MUC6: variants seen among roughly 807,000 people sequenced by gnomAD.
MUC6 encodes the protein mucin-6.
Under a neutral mutation model 201.5 loss-of-function variants are expected in MUC6, and 188 were observed. That is an observed-to-expected ratio of 0.93 (90% CI 0.83 to 1.05). The LOEUF is 1.05. Among genes scored for constraint, MUC6 ranks in the 50% least tolerant of loss-of-function variants. The pLI is 0.00. For synonymous variants in MUC6, 1,228 were observed against 1,389.4 expected, an observed-to-expected ratio of 0.88 and a Z score of 2.58; for missense variants, 2,706 against 3,256.9, an observed-to-expected ratio of 0.83 and a Z score of 4.12.
intron 26 of MUC6, among the ~76,000 whole-genome samples, chr11:1,021,568 G>A (rs188896403): frequency 3.9e-5 from 6 of 152,022 alleles, no homozygotes; most frequent in Admixed American, 3.9e-4. Flanking sequence ...ATGGGGCTTC[G>A]CCACGTTGGC....
intron 1 of MUC6, 134 bp downstream of exon 1, chr11:1,036,470 C>G (rs1301176352): frequency 3.8e-6 from 4 of 1,047,222 alleles, no homozygotes; most frequent in Middle Eastern, 2.5e-4. Context: ...GGTCACGGAG[C>G]CGAGCTGGGG....
intron 19 of MUC6, among the ~76,000 whole-genome samples, 172 bp downstream of exon 19, chr11:1,026,769 G>A (rs568758496): frequency 6.6e-6 from 1 of 152,338 alleles, no homozygotes; most frequent in Admixed American, 6.5e-5. Flanking sequence ...CCCTGCAGAC[G>A]AGCCCCCGGG....
rs201891827 is a variant in MUC6, at chr11:1,033,098, C to T, written c.53-23G>A. ...GACCTGTGTGGACGGGACCCGCAGT[C>T]GGTGTGGGGCTACCCCGTCGTCCCT... On this transcript the variant is annotated intron_variant, in intron 1 of 32. Coordinates refer to ENST00000421673, the MANE Select transcript of MUC6 (RefSeq NM_005961.3). The surrounding 1 kb of genome is among the most constrained non-coding windows in gnomAD (Gnocchi z 5.6). The T allele has an allele frequency of 6.0e-4, 971 of 1,612,266 alleles. No homozygotes were observed. Among genetic ancestry groups the T allele is most frequent in the Non-Finnish European group, 7.9e-4 (926 of 1,178,610 alleles).
chr11:1,013,111 A>C lies in MUC6; in HGVS notation c.*345T>G. The C allele has an allele frequency of 3.1e-6, 1 of 321,062 alleles. No individual in the cohort carries two copies. Among genetic ancestry groups the C allele is most frequent in the African/African-American group, 2.2e-5 (1 of 46,248 alleles). 19.9% of individuals were successfully genotyped at this position (321,062 alleles called of 1,614,324 possible). On this transcript the variant is annotated 3_prime_UTR_variant, in exon 33 of 33. Transcript: ENST00000421673. Reference sequence around the variant, plus strand: ...GCGCCTGCTCTGTGGCTTCATCTGCAGGGTTCTGGGCCCAGCAGGGCTGGG... The same window carrying C: ...GCGCCTGCTCTGTGGCTTCATCTGCCGGGTTCTGGGCCCAGCAGGGCTGGG...
chr11:1,014,392 C>T (rs989255355), intron 31 of MUC6, among the ~76,000 whole-genome samples: 8 of 152,146 alleles, frequency 5.3e-5, no homozygotes, highest in Non-Finnish European at 8.8e-5. Flanking sequence ...GCAGGGGGGC[C>T]GAGGACACCG....
rs1014383090 is a variant in MUC6, at chr11:1,024,889, C to A, written c.3180G>T (p.Lys1060Asn). 6.2e-7 allele frequency: 1 copy of A among 1,612,556 alleles called. No individual in the cohort carries two copies. The highest frequency in any genetic ancestry group is 1.3e-5 in the African/African-American group (1 of 74,950). Reference protein sequence around the residue: ...NAFRRSWAERKCSVINSQTFA... With the variant: ...NAFRRSWAERNCSVINSQTFA... ...AGGTCTGGCTGTTGATGACGCTGCA[C>A]TTGCGCTCGGCCCAGGAGCGCCGGA... Residue 1060 changes from lysine (K) to asparagine (N), a missense_variant, in exon 24 of 33, where the codon AAG becomes AAT. Physicochemically the swap from Lys to Asn is moderately conservative, Grantham distance 94. This residue lies in a region of MUC6 where 1,850 missense variants were observed against 1,958.3 expected (regional missense o/e 0.94). Coordinates refer to ENST00000421673, the MANE Select transcript of MUC6 (RefSeq NM_005961.3).
In MUC6 at chr11:1,036,514, G is replaced by A. The variant is rs528699799; in HGVS notation, c.52+90C>T. 33 of 1,419,688 alleles carry A rather than the reference G, an allele frequency of 2.3e-5. No individual in the cohort carries two copies. The East Asian group carries it at 6.9e-4, about 30-fold the overall frequency. The allele number at this position is 1,419,688 out of a possible 1,614,324, so 87.9% of individuals were successfully genotyped here. On this transcript the variant is annotated intron_variant, in intron 1 of 32. Coordinates refer to ENST00000421673, the MANE Select transcript of MUC6 (RefSeq NM_005961.3). ...CCATCAGCGTCCATGTGGGCCAGCC[G>A]AGTTGTCGAGGCGAGAAGGCCCAGA...
chr11:1,014,351 G>C (rs1856552766), intron 31 of MUC6, among the ~76,000 whole-genome samples: 1 of 152,226 alleles, frequency 6.6e-6, no homozygotes, highest in Non-Finnish European at 1.5e-5. Context: ...CTGTGGGCAT[G>C]GGCCTCTCTG....
Position 1,016,585 on chromosome 11 carries a change from G to T in MUC6, c.6216C>A (p.Ser2072Arg). The stretch of plus-strand genomic sequence containing the variant: ...CTGTGCTGAATGAGCTGTGGGTTTG[G>T]CTGGTCCCACTGGTGGTCACTGTCA... ...PPMTVTTSGT[S>R]QTHSSFSTAT... The change falls in exon 31 of 33, where the codon AGC (serine) becomes AGA (arginine). Residue 2072 changes from serine (S) to arginine (R), a missense_variant. Coordinates refer to ENST00000421673, the MANE Select transcript of MUC6 (RefSeq NM_005961.3). The T allele has an allele frequency of 6.2e-7, 1 of 1,612,602 alleles. No homozygotes were observed. Among genetic ancestry groups the T allele is most frequent in the South Asian group, 1.1e-5 (1 of 91,048 alleles).
rs1467901220 is a variant in MUC6 at position 1,025,228 on chromosome 11, C to T, written c.2939G>A (p.Trp980Ter). The T allele has an allele frequency of 1.9e-6, 3 of 1,612,710 alleles. No individual in the cohort carries two copies. The highest frequency in any genetic ancestry group is 1.3e-5 in the African/African-American group (1 of 74,936). Residue 980 changes from tryptophan to a stop codon, truncating the protein, a stop_gained, in exon 23 of 33, where the codon TGG (tryptophan) becomes TAG (stop). Coordinates refer to ENST00000421673, the MANE Select transcript of MUC6 (RefSeq NM_005961.3). LOFTEE classifies it high-confidence loss of function. ...IPGRYNLTLI[W>*]NRHMTILIRI... ...GATGAGGATGGTCATGTGCCTGTTC[C>T]AGATGAGCGTCAGGTTGTACCTCCC... is the stretch of plus-strand genomic sequence containing the variant.
chr11:1,026,543 G>A (rs1856964192), intron 19 of MUC6, 65 bp from the exon 20 acceptor site: 2 of 1,459,556 alleles, frequency 1.4e-6, no homozygotes, highest in African/African-American at 2.8e-5. Flanking sequence ...CCAGCCCTGG[G>A]CCCCTCTGAG....
At chr11:1,035,995 C>A (rs1220909331) in intron 1 of MUC6, among the ~76,000 whole-genome samples, 1 of 152,100 alleles carries the variant, frequency 6.6e-6, no homozygotes, top group African/African-American at 2.4e-5. Flanking sequence ...GGCAGAGGAT[C>A]CAGGATGTCA....
intron 4 of MUC6, 21 bp from the exon 5 acceptor site, chr11:1,031,280 GGGGGCCCGGGGGCCA>G: frequency 1.9e-6 from 3 of 1,547,634 alleles, no homozygotes; most frequent in Non-Finnish European, 1.7e-6. Context: ...CGGCTCTGCT[GGGGGCCCGGGGGCCA>G]GGGGCCCCCT....
In MUC6 at chr11:1,020,114, A is replaced by C. The variant is rs751883907; in HGVS notation, c.3784T>G (p.Ser1262Ala). 6.2e-7 allele frequency: 1 copy of C among 1,612,894 alleles called. No homozygotes were observed. The highest frequency in any genetic ancestry group is 1.1e-5 in the South Asian group (1 of 91,028). ...TPLLPATLTS[S>A]KPTASSGEPP... Reference sequence around the variant, plus strand: ...CCTCCCGAGGAGGCTGTGGGCTTGGAGGATGTGAGCGTGGCTGGAAGGAGG... The same window carrying C: ...CCTCCCGAGGAGGCTGTGGGCTTGGCGGATGTGAGCGTGGCTGGAAGGAGG... The change falls in exon 29 of 33, where the codon TCC becomes GCC. Residue 1262 changes from serine (S) to alanine (A), a missense_variant. Transcript: ENST00000421673.
At position 1,023,603 on chromosome 11, in the gene MUC6, C is replaced by A; in HGVS notation, c.3432G>T (p.Glu1144Asp). The change falls in exon 26 of 33, where the codon GAG (glutamate) becomes GAT (aspartate). Residue 1144 changes from glutamate to aspartate, a missense_variant. Glu to Asp is a conservative substitution (Grantham distance 45). This residue lies in a region of MUC6 where 1,850 missense variants were observed against 1,958.3 expected (regional missense o/e 0.94). Transcript: ENST00000421673. ...YNTHTQDGHGEYQYTQEANCT... is the reference protein window; with the variant it reads ...YNTHTQDGHGDYQYTQEANCT... ...AGTTGGCCTCCTGTGTGTACTGGTA[C>A]TCGCCATGGCCGTCCTGCGTGTGCG... 1.2e-6 allele frequency: 2 copies of A among 1,613,196 alleles called. No homozygotes were observed. The highest frequency in any genetic ancestry group is 1.3e-5 in the African/African-American group (1 of 75,046).
In MUC6 at chr11:1,027,526, G is replaced by A. The variant is rs1169337636; in HGVS notation, c.1982-9C>T. The A allele has an allele frequency of 5.6e-6, 9 of 1,611,642 alleles. No individual in the cohort carries two copies. Among genetic ancestry groups the A allele is most frequent in the Non-Finnish European group, 6.8e-6 (8 of 1,179,374 alleles). The stretch of plus-strand genomic sequence containing the variant: ...ACCCGTGCAGGGGATGGCTGTGGGG[G>A]ACCCGGGCATCAGACTCTCCGGGAG... On this transcript the variant is annotated splice_polypyrimidine_tract_variant and intron_variant, in intron 16 of 32. Transcript: ENST00000421673.
chr11:1,028,179 G>A, intron 14 of MUC6, 47 bp downstream of exon 14: 1 of 1,541,368 alleles, frequency 6.5e-7, no homozygotes, highest in Non-Finnish European at 8.8e-7. Context: ...TGTCAGAACT[G>A]TGGGCGCTGG....
chr11:1,031,904 C>G lies in MUC6; in HGVS notation c.265G>C (p.Gly89Arg). The G allele has an allele frequency of 6.2e-7, 1 of 1,613,296 alleles. No homozygotes were observed. Among genetic ancestry groups the G allele is most frequent in the Non-Finnish European group, 8.5e-7 (1 of 1,179,894 alleles). Reference protein sequence around the residue: ...FPTFSVQLRRGPDGSISRIIV... With the variant: ...FPTFSVQLRRRPDGSISRIIV... ...ATCCGCGAGATGCTCCCGTCTGGGC[C>G]TCGCCGCAGCTGGACACTGAAGGTG... The change falls in exon 3 of 33, where the codon GGC (glycine) becomes CGC (arginine). Residue 89 changes from glycine to arginine, a missense_variant. This residue lies in a region of MUC6 where 1,850 missense variants were observed against 1,958.3 expected (regional missense o/e 0.94). Transcript: ENST00000421673.
rs1322938937 is a variant in MUC6 at position 1,028,387 on chromosome 11, C to T, written c.1592G>A (p.Gly531Glu). The part of the protein sequence containing the change: ...VGPQFRGQTR[G>E]LCGNFNGDTT... ...GTCCCCGTTGAAGTTGCCGCAGAGC[C>T]CTGAGCCGGCGGGGCGTGAGCTCGA... The change falls in exon 14 of 33, where the codon GGG (glycine) becomes GAG (glutamate). Residue 531 changes from glycine (G) to glutamate (E), a missense_variant and splice_region_variant. Physicochemically the swap from Gly to Glu is moderately conservative, Grantham distance 98. This residue lies in a region of MUC6 where 1,850 missense variants were observed against 1,958.3 expected (regional missense o/e 0.94). Transcript: ENST00000421673. 6.2e-7 allele frequency: 1 copy of T among 1,611,584 alleles called. No individual in the cohort carries two copies. The highest frequency in any genetic ancestry group is 8.5e-7 in the Non-Finnish European group (1 of 1,179,690).
Sources: gnomAD v4.1 joint callset for allele counts (sites outside exome capture counted in the v4.1 genomes callset) on GRCh38, gnomAD v4.1.1 for gene constraint, gnomAD v4.1.1 regional missense constraint, Gnocchi (gnomAD v3.1) non-coding constraint, MANE v1.5 for transcripts, NCBI Gene and HGNC (gene_info 2026-07-23, HGNC 2026-07-21) for gene names.